Variants in WNK2 observed in about 807,000 individuals in gnomAD.
WNK2 encodes the protein serine/threonine-protein kinase WNK2.
In WNK2, 67 loss-of-function variants were observed where a neutral mutation model predicts 192.1. The ratio of observed to expected loss-of-function variants is 0.35; its 90% CI spans 0.29 to 0.43. The LOEUF (loss-of-function observed/expected upper bound fraction) is 0.43, where lower values mean the gene tolerates loss of function less well. Ranked by LOEUF, WNK2 falls within the 20% of genes least tolerant of loss-of-function variation. The probability of loss-of-function intolerance (pLI) is 1.00; values close to 1 mark genes in which losing one functional copy is unlikely to be tolerated. For synonymous variants in WNK2, 1,439 were observed against 1,393.9 expected (o/e 1.03, Z -0.72); for missense variants, 2,698 against 3,089.7 (o/e 0.87, Z 3.01).
At chr9:93,317,967 G>C in intron 29 of WNK2, 1 of 1,612,572 alleles carries the variant, frequency 6.2e-7, no homozygotes, top group Non-Finnish European at 8.5e-7. Context: ...AGCCGCGAGG[G>C]GGACAGCGGG....
Position 93,312,294 on chromosome 9 carries a change from T to C in WNK2, c.6516+3710T>C, listed in dbSNP as rs577930072. 4.6e-5 allele frequency among the ~76,000 whole-genome samples: 7 copies of C among 152,362 alleles called. No individual in the cohort carries two copies. In the South Asian group the frequency reaches 8.3e-4, roughly 18 times the overall value. On this transcript the variant is annotated intron_variant, in intron 28 of 29. Coordinates refer to ENST00000427277, the MANE Select transcript of WNK2 (RefSeq NM_006648.4). ...GAAATCACTGCCAAATCCAGTGTTG[T>C]GAAACCTTTTCCTTAAGTTTCCTAC...
chr9:93,236,264 T>C (rs554180065), intron 5 of WNK2, among the ~76,000 whole-genome samples: 1 of 152,220 alleles, frequency 6.6e-6, no homozygotes, highest in African/African-American at 2.4e-5. Flanking sequence ...GTCCTGAAGC[T>C]GTCCCAGGGG....
intron 12 of WNK2, among the ~76,000 whole-genome samples, chr9:93,260,769 G>C (rs1188394596): frequency 6.6e-6 from 1 of 152,216 alleles, no homozygotes; most frequent in East Asian, 1.9e-4. Context: ...TGGCCCACCC[G>C]AGTAAGTGCT....
chr9:93,193,903 AC>A (rs1830780582), intron 2 of WNK2, among the ~76,000 whole-genome samples: 1 of 152,236 alleles, frequency 6.6e-6, no homozygotes, highest in South Asian at 2.1e-4. Flanking sequence ...TGGTAAAAGA[AC>A]AGATGAGTTG....
intron 23 of WNK2, among the ~76,000 whole-genome samples, chr9:93,297,451 G>A (rs1243664330): frequency 6.6e-6 from 1 of 152,208 alleles, no homozygotes; most frequent in African/African-American, 2.4e-5. Flanking sequence ...CCCCTGTGGA[G>A]GAAATAACAC....
intron 19 of WNK2, among the ~76,000 whole-genome samples, chr9:93,273,876 G>C (rs539918729): frequency 6.6e-6 from 1 of 152,178 alleles, no homozygotes; most frequent in African/African-American, 2.4e-5. Context: ...AAGTTGGAAG[G>C]AATATTAGAA....
At chr9:93,205,820 T>C (rs1833272452) in intron 2 of WNK2, among the ~76,000 whole-genome samples, 1 of 150,016 alleles carries the variant, frequency 6.7e-6, no homozygotes, top group Non-Finnish European at 1.5e-5. Context: ...CCGAATGTCT[T>C]GCTGCTGGGG....
intron 2 of WNK2, among the ~76,000 whole-genome samples, chr9:93,207,903 G>A (rs114750629): frequency 0.027 from 4,181 of 152,308 alleles, 164 homozygotes; most frequent in African/African-American, 0.089. Flanking sequence ...TCACAGTTCC[G>A]TTCTCGTGCC....
intron 9 of WNK2, 80 bp from the exon 10 acceptor site, chr9:93,256,219 T>G: frequency 1.4e-6 from 2 of 1,383,830 alleles, no homozygotes; most frequent in Non-Finnish European, 1.9e-6. Context: ...AGGGATGACA[T>G]GAGGCTACCC....
At chr9:93,260,695 T>A (rs1178986013) in intron 12 of WNK2, among the ~76,000 whole-genome samples, 1 of 152,138 alleles carries the variant, frequency 6.6e-6, no homozygotes, top group Non-Finnish European at 1.5e-5. Context: ...GAAGGGATGG[T>A]ACATATTGGA....
At chr9:93,308,910 T>G (rs1564230693) in intron 28 of WNK2, 1 of 1,177,248 alleles carries the variant, frequency 8.5e-7, no homozygotes. Context: ...GCCCTGGTCT[T>G]GGCAGACAGG....
intron 28 of WNK2, among the ~76,000 whole-genome samples, chr9:93,313,323 T>TA (rs1335793142): frequency 2.6e-5 from 4 of 152,154 alleles, no homozygotes; most frequent in Non-Finnish European, 4.4e-5. Context: ...CTGTTAAACC[T>TA]ATCCATTCAG....
chr9:93,184,908 T>G lies in WNK2; in HGVS notation c.-2-20T>G, dbSNP rs938480920. 4 of 1,205,290 alleles carry G rather than the reference T, an allele frequency of 3.3e-6. No individual in the cohort carries two copies. The highest frequency in any genetic ancestry group is 4.4e-5 in the Admixed American group (1 of 22,698). The allele number at this position is 1,205,290 out of a possible 1,614,324, so 74.7% of individuals were successfully genotyped here. A position where few individuals can be genotyped will look rare whatever the true frequency, so the allele number is the denominator to read the frequency against. On this transcript the variant is annotated intron_variant, in intron 1 of 29. Transcript: ENST00000427277. Reference sequence around the variant, plus strand: ...GGCAGGGCCGGCGCTCACGCGGGCCTGTGTGTCCTTGGCCCACAGAGATGG... The same window carrying G: ...GGCAGGGCCGGCGCTCACGCGGGCCGGTGTGTCCTTGGCCCACAGAGATGG...
intron 19 of WNK2, among the ~76,000 whole-genome samples, chr9:93,282,203 G>A (rs1847844495): frequency 6.6e-6 from 1 of 152,160 alleles, no homozygotes; most frequent in Non-Finnish European, 1.5e-5. Context: ...ATTCCATGTT[G>A]CCTAGGCAGA....
rs748206394 is a variant in WNK2, at chr9:93,262,738, G to C, written c.3410+19G>C. On this transcript the variant is annotated intron_variant, in intron 14 of 29. Coordinates refer to ENST00000427277, the MANE Select transcript of WNK2 (RefSeq NM_006648.4). ...GTGAGAGGTAGTGTGGCCCAGCCTC[G>C]ACCTCGCAGGACGGGTGTAGGGGCG... 2.4e-5 allele frequency: 39 copies of C among 1,610,926 alleles called. No individual in the cohort carries two copies. The highest frequency in any genetic ancestry group is 3.1e-5 in the Non-Finnish European group (37 of 1,179,778).
intron 5 of WNK2, among the ~76,000 whole-genome samples, chr9:93,236,861 A>T (rs2132196621): frequency 6.6e-6 from 1 of 152,360 alleles, no homozygotes; most frequent in African/African-American, 2.4e-5. Context: ...CATCCACCGC[A>T]TCATGGCGCT....
At chr9:93,266,749 G>A (rs901809802) in intron 16 of WNK2, among the ~76,000 whole-genome samples, 1 of 152,218 alleles carries the variant, frequency 6.6e-6, no homozygotes, top group Admixed American at 6.5e-5. Context: ...AGTGTGGAGC[G>A]CAGAGGAGCT....
intron 2 of WNK2, among the ~76,000 whole-genome samples, chr9:93,212,095 C>T (rs1004258339): frequency 1.3e-5 from 2 of 152,204 alleles, no homozygotes; most frequent in African/African-American, 2.4e-5. Context: ...TCATCGGTTC[C>T]CTCACTCATC....
intron 28 of WNK2, among the ~76,000 whole-genome samples, chr9:93,311,608 T>TG (rs1259935012): frequency 2.4e-5 from 3 of 125,708 alleles, no homozygotes; most frequent in African/African-American, 6.1e-5. Flanking sequence ...TCTGGGTTTT[T>TG]TTGTTTGTGT....
Sources: allele counts gnomAD v4.1 joint callset (sites outside exome capture counted in the v4.1 genomes callset), GRCh38; gene constraint gnomAD v4.1.1; transcripts MANE v1.5; gene names NCBI Gene and HGNC (gene_info 2026-07-23, HGNC 2026-07-21).